ZC3H12B: variants seen among roughly 807,000 people sequenced by gnomAD.
The protein encoded by ZC3H12B is zinc finger CCCH-type containing 12B.
A neutral mutation model predicts 43.9 loss-of-function variants in ZC3H12B; 7 were observed. The observed-to-expected ratio is 0.16, with a 90% CI of 0.09 to 0.30. The LOEUF (loss-of-function observed/expected upper bound fraction) is 0.30. Among genes scored for constraint, ZC3H12B ranks in the 10% least tolerant of loss-of-function variants. ZC3H12B has a pLI of 1.00. For synonymous variants in ZC3H12B, 222 were observed against 241.7 expected, an observed-to-expected ratio of 0.92 and a Z score of 0.76; for missense variants, 475 against 670.2, an observed-to-expected ratio of 0.71 and a Z score of 3.22.
the ZC3H12B span, among the ~76,000 whole-genome samples, chrX:65,060,535 T>G: frequency 8.9e-6 from 1 of 112,311 alleles, no homozygotes; most frequent in Non-Finnish European, 1.9e-5. Context: ...CATCCTTGCG[T>G]CACAGGGATA....
the ZC3H12B span, among the ~76,000 whole-genome samples, chrX:65,101,760 A>T: frequency 8.9e-6 from 1 of 111,996 alleles, no homozygotes; most frequent in Non-Finnish European, 1.9e-5. Flanking sequence ...CAACCTACCA[A>T]CCAAAAAAGC....
At chrX:65,372,509 G>GAAGA (rs766695138) in intron 2 of ZC3H12B, among the ~76,000 whole-genome samples, 1 of 91,882 alleles carries the variant, frequency 1.1e-5, no homozygotes, top group African/African-American at 4.0e-5. Flanking sequence ...GGAAAGGAAG[G>GAAGA]AAGGAAGGAA....
chrX:65,401,139 C>T (rs779490732), intron 3 of ZC3H12B, among the ~76,000 whole-genome samples: 3 of 109,684 alleles, frequency 2.7e-5, no homozygotes, highest in Non-Finnish European at 5.7e-5. Context: ...CCTCATAATA[C>T]CTGGTTTTAA....
At chrX:65,046,414 G>A in the ZC3H12B span, among the ~76,000 whole-genome samples, 1 of 111,882 alleles carries the variant, frequency 8.9e-6, no homozygotes, top group East Asian at 2.8e-4. Context: ...TATTATGGTT[G>A]CAGCTTCTTG....
At chrX:65,454,301 G>A (rs763516772) in intron 3 of ZC3H12B, among the ~76,000 whole-genome samples, 18 of 112,376 alleles carry the variant, frequency 1.6e-4, no homozygotes, top group African/African-American at 5.2e-4. Flanking sequence ...CTTTTCCGAC[G>A]GTCTTAGCAA....
the ZC3H12B span, among the ~76,000 whole-genome samples, chrX:65,128,909 T>G: frequency 1.8e-5 from 2 of 111,749 alleles, no homozygotes; most frequent in Non-Finnish European, 3.8e-5. Flanking sequence ...TCTTTTTCTG[T>G]CTTTCTATAT....
At chrX:65,212,287 A>AATATATTATATAATATATT in the ZC3H12B span, among the ~76,000 whole-genome samples, 4 of 49,867 alleles carry the variant, frequency 8.0e-5, no homozygotes, top group Admixed American at 4.1e-4. Context: ...ATATAATTAT[A>AATATATTATATAATATATT]ATATATTATA....
the ZC3H12B span, among the ~76,000 whole-genome samples, chrX:65,133,835 G>A: frequency 1.8e-5 from 2 of 110,159 alleles, no homozygotes; most frequent in Admixed American, 1.9e-4. Flanking sequence ...AGAAAGATTT[G>A]CGATGAGTCA....
At chrX:65,151,591 A>G in the ZC3H12B span, among the ~76,000 whole-genome samples, 1 of 112,057 alleles carries the variant, frequency 8.9e-6, no homozygotes, top group Non-Finnish European at 1.9e-5. Context: ...GTGTGACTTC[A>G]GATATAAACT....
chrX:65,113,933 C>G, the ZC3H12B span, among the ~76,000 whole-genome samples: 1 of 93,600 alleles, frequency 1.1e-5, no homozygotes, highest in African/African-American at 3.6e-5. Flanking sequence ...TATTGCGATA[C>G]TTGCTTTAGG....
chrX:65,145,189 T>G, the ZC3H12B span, among the ~76,000 whole-genome samples: 1 of 111,058 alleles, frequency 9.0e-6, no homozygotes, highest in Non-Finnish European at 1.9e-5. Context: ...ATTGTGGTAT[T>G]TTCCTGTTGG....
chrX:65,418,908 G>A (rs929077309), intron 3 of ZC3H12B, among the ~76,000 whole-genome samples: 1 of 111,781 alleles, frequency 8.9e-6, no homozygotes, highest in Non-Finnish European at 1.9e-5. Flanking sequence ...GGGACCTATG[G>A]CCTTTTACCA....
the ZC3H12B span, among the ~76,000 whole-genome samples, chrX:65,329,817 ATTG>A: frequency 2.7e-5 from 3 of 111,381 alleles, no homozygotes; most frequent in Non-Finnish European, 3.8e-5. Context: ...TCCTTTCCCC[ATTG>A]CTTGTTTTTG....
the ZC3H12B span, among the ~76,000 whole-genome samples, chrX:65,323,280 A>T: frequency 8.9e-6 from 1 of 111,890 alleles, no homozygotes; most frequent in African/African-American, 3.3e-5. Context: ...TTGTTGCCTT[A>T]TCATATACAG....
chrX:65,186,258 G>A, the ZC3H12B span: 4 of 110,771 alleles, frequency 3.6e-5, no homozygotes, highest in East Asian at 8.5e-4. Flanking sequence ...TTGGGAGGCC[G>A]AGGTGGGTGG....
the ZC3H12B span, among the ~76,000 whole-genome samples, chrX:65,089,887 T>A: frequency 9.0e-6 from 1 of 111,606 alleles, no homozygotes; most frequent in Admixed American, 9.5e-5. Context: ...CTTTTCCCAC[T>A]GGAAGGTCTT....
chrX:65,125,683 A>T, the ZC3H12B span, among the ~76,000 whole-genome samples: 36 of 110,632 alleles, frequency 3.3e-4, no homozygotes, highest in Admixed American at 3.4e-3. Flanking sequence ...TATAATTAGA[A>T]TTTTTCTGTT....
the ZC3H12B span, among the ~76,000 whole-genome samples, chrX:65,155,737 G>A: frequency 9.0e-6 from 1 of 110,821 alleles, no homozygotes; most frequent in Non-Finnish European, 1.9e-5. Flanking sequence ...GCAGGTGCCT[G>A]AAGTACCAGC....
chrX:65,229,650 A>G, the ZC3H12B span, among the ~76,000 whole-genome samples: 1 of 103,976 alleles, frequency 9.6e-6, no homozygotes, highest in Admixed American at 1.1e-4. Context: ...CAAAGGGCTA[A>G]TATCCAGAAT....
Sources: gnomAD v4.1 joint callset for allele counts (sites outside exome capture counted in the v4.1 genomes callset) on GRCh38, gnomAD v4.1.1 for gene constraint, MANE v1.5 for transcripts, NCBI Gene and HGNC (gene_info 2026-07-23, HGNC 2026-07-21) for gene names.